The following PCDHGA1 variants were observed in gnomAD, a reference collection of about 807,000 sequenced individuals.
PCDHGA1 encodes the protein protocadherin gamma-A1.
Under a neutral mutation model 58.0 loss-of-function variants are expected in PCDHGA1, and 32 were observed. That is an observed-to-expected ratio of 0.55 (90% confidence interval 0.42 to 0.74). PCDHGA1 has a LOEUF of 0.74. PCDHGA1 is among the 30% of genes least tolerant of loss of function. The pLI is 0.00. For missense variants in PCDHGA1, 1,205 were observed against 1,182.3 expected (o/e 1.02, Z -0.28); for synonymous variants, 498 against 501.1 (o/e 0.99, Z 0.08).
chr5:141,355,440 C>T (rs1422481246), intron 1 of PCDHGA1: 1 of 1,614,130 alleles, frequency 6.2e-7, no homozygotes. Flanking sequence ...TGAACCCGCG[C>T]AGCGGCACCT....
At chr5:141,372,562 C>G in intron 1 of PCDHGA1, 1 of 1,614,054 alleles carries the variant, frequency 6.2e-7, no homozygotes. Context: ...AGACCCGCCA[C>G]TGAGGGCTAC....
intron 1 of PCDHGA1, chr5:141,478,217 G>A: frequency 2.5e-6 from 4 of 1,614,094 alleles, no homozygotes. Flanking sequence ...TCTAATCCTG[G>A]TTTCTGTGGG....
At chr5:141,455,375 G>A (rs1247820974) in intron 1 of PCDHGA1, among the ~76,000 whole-genome samples, 1 of 152,132 alleles carries the variant, frequency 6.6e-6, no homozygotes, top group Non-Finnish European at 1.5e-5. Context: ...GAAGGGAGAA[G>A]ACAGAAGGAA....
At chr5:141,343,287 A>G in intron 1 of PCDHGA1, 1 of 968,544 alleles carries the variant, frequency 1.0e-6, no homozygotes, top group Non-Finnish European at 1.2e-6. Flanking sequence ...TTAAAGAAAT[A>G]TAATGTATAA....
chr5:141,415,110 C>G (rs1490074484), intron 1 of PCDHGA1: 2 of 1,613,548 alleles, frequency 1.2e-6, no homozygotes, highest in East Asian at 2.2e-5. Flanking sequence ...TCAAGCAAAG[C>G]CTCGTAGTGG....
intron 3 of PCDHGA1, among the ~76,000 whole-genome samples, chr5:141,509,620 C>G (rs1321910971): frequency 6.6e-6 from 1 of 152,188 alleles, no homozygotes; most frequent in African/African-American, 2.4e-5. Context: ...TAAACAAGTT[C>G]CTGGGTGATG....
intron 1 of PCDHGA1, chr5:141,372,529 C>G: frequency 6.2e-7 from 1 of 1,614,042 alleles, no homozygotes; most frequent in Non-Finnish European, 8.5e-7. Flanking sequence ...CTGGCAATCT[C>G]CCTGCGCCTG....
At position 141,372,056 on chromosome 5, in the gene PCDHGA1, C is replaced by T. The variant is rs1228124665; in HGVS notation, c.2421+38951C>T. ...TGAGCCTGCGCGTGTTGGTGGACGACCGCAACGACAATGCACCGCTGGTGC... is the reference window on the plus strand; with the variant it reads ...TGAGCCTGCGCGTGTTGGTGGACGATCGCAACGACAATGCACCGCTGGTGC... On this transcript the variant is annotated intron_variant, in intron 1 of 3. Transcript: ENST00000517417. The T allele has an allele frequency of 4.3e-6, 7 of 1,613,578 alleles. No individual in the cohort carries two copies. In the East Asian group the frequency reaches 1.6e-4, roughly 36 times the overall value.
chr5:141,467,952 C>A (rs1341210155), intron 1 of PCDHGA1, among the ~76,000 whole-genome samples: 1 of 152,186 alleles, frequency 6.6e-6, no homozygotes, highest in Non-Finnish European at 1.5e-5. Flanking sequence ...AGCCACCACA[C>A]CCGGCTGCCA....
Position 141,351,827 on chromosome 5 carries a change from G to T in PCDHGA1, c.2421+18722G>T, listed in dbSNP as rs191017713. 84 of 1,613,198 alleles carry T rather than the reference G, an allele frequency of 5.2e-5. No homozygotes were observed. In the East Asian group the frequency reaches 5.8e-4, roughly 11 times the overall value. The stretch of plus-strand genomic sequence containing the variant: ...CGCCTTCGACCACGAGCAGCTGCGC[G>T]CCTTCGAGCTCACACTGCAGGCCAG... On this transcript the variant is annotated intron_variant, in intron 1 of 3. Coordinates refer to ENST00000517417, the MANE Select transcript of PCDHGA1 (RefSeq NM_018912.3).
chr5:141,394,506 C>G, intron 1 of PCDHGA1: 2 of 1,614,214 alleles, frequency 1.2e-6, no homozygotes, highest in Non-Finnish European at 1.7e-6. Context: ...GATCCTGTAC[C>G]CCGCCCTCCC....
chr5:141,345,097 C>T lies in PCDHGA1; in HGVS notation c.2421+11992C>T, dbSNP rs756253365. 9.3e-6 allele frequency: 15 copies of T among 1,613,984 alleles called. No individual in the cohort carries two copies. Among genetic ancestry groups the T allele is most frequent in the Non-Finnish European group, 1.3e-5 (15 of 1,179,896 alleles). Reference sequence around the variant, plus strand: ...ATTACAATCACGTCTCTCACAAGCTCAGTCCCAGAAGAGGGCACCGTTGGA... The same window carrying T: ...ATTACAATCACGTCTCTCACAAGCTTAGTCCCAGAAGAGGGCACCGTTGGA... On this transcript the variant is annotated intron_variant, in intron 1 of 3. Transcript: ENST00000517417.
Position 141,403,510 on chromosome 5 carries a change from C to T in PCDHGA1, c.2421+70405C>T, listed in dbSNP as rs201146573. ...TCTCCCTGAACGTGCAGACTGGAGA[C>T]AATGGAGCCATAAACCCAGAGCTGG... On this transcript the variant is annotated intron_variant, in intron 1 of 3. Transcript: ENST00000517417. 9.2e-4 allele frequency: 1,478 copies of T among 1,614,022 alleles called. 1 individual carries two copies. Among genetic ancestry groups the T allele is most frequent in the Non-Finnish European group, 1.2e-3 (1,414 of 1,179,888 alleles).
intron 1 of PCDHGA1, among the ~76,000 whole-genome samples, chr5:141,450,487 G>A (rs1379694010): frequency 1.3e-5 from 2 of 151,938 alleles, no homozygotes; most frequent in African/African-American, 2.4e-5. Context: ...TTGTTTGTTT[G>A]TCTGTTTGTT....
chr5:141,449,994 G>T (rs2098661673), intron 1 of PCDHGA1, among the ~76,000 whole-genome samples: 2 of 131,786 alleles, frequency 1.5e-5, no homozygotes, highest in Admixed American at 7.9e-5. Context: ...ATTGCATTTA[G>T]TTGCCATGTC....
intron 1 of PCDHGA1, chr5:141,392,261 A>C (rs2150475228): frequency 6.6e-6 from 1 of 152,338 alleles, no homozygotes; most frequent in Admixed American, 6.5e-5. Flanking sequence ...TATTGGAGAC[A>C]TTTACAATAA....
intron 1 of PCDHGA1, chr5:141,409,921 G>T (rs767370997): frequency 6.2e-7 from 1 of 1,613,404 alleles, no homozygotes; most frequent in Admixed American, 1.7e-5. Context: ...ACGGCTCCGC[G>T]TTCTTCGATA....
At position 141,375,276 on chromosome 5, in the gene PCDHGA1, T is replaced by C. The variant is rs763492378; in HGVS notation, c.2421+42171T>C. On this transcript the variant is annotated intron_variant, in intron 1 of 3. Transcript: ENST00000517417. The stretch of plus-strand genomic sequence containing the variant: ...CTCCCATTTGAATTGGAAAAATCAG[T>C]TGGCAATTATTATCGATTAGTGACA... 10 of 1,613,700 alleles carry C rather than the reference T, an allele frequency of 6.2e-6. No homozygotes were observed. The Admixed American group carries it at 1.3e-4, about 22-fold the overall frequency.
chr5:141,510,916 G>C (rs1044988697), intron 3 of PCDHGA1, 31 bp from the exon 4 acceptor site: 2 of 1,613,714 alleles, frequency 1.2e-6, no homozygotes, highest in African/African-American at 1.3e-5. Flanking sequence ...CCTAAGTTTA[G>C]CTCCCACCTG....
Sources: allele counts gnomAD v4.1 joint callset (sites outside exome capture counted in the v4.1 genomes callset), GRCh38; gene constraint gnomAD v4.1.1; transcripts MANE v1.5; gene names NCBI Gene and HGNC (gene_info 2026-07-23, HGNC 2026-07-21).